MALRD1: variants seen among roughly 807,000 people sequenced by gnomAD.
MALRD1 encodes MAM and LDL-receptor class A domain-containing protein 1.
A neutral mutation model predicts 242.1 loss-of-function variants in MALRD1; 247 were observed. That is an observed-to-expected ratio of 1.02 (90% CI 0.92 to 1.13). MALRD1 has a LOEUF of 1.13. Ranked by LOEUF, MALRD1 falls within the 50% of genes most tolerant of loss-of-function variation. The pLI is 0.00. For synonymous variants in MALRD1, 995 were observed against 866.6 expected (o/e 1.15, Z -2.60); for missense variants, 2,989 against 2,533.1 (o/e 1.18, Z -3.86).
intron 36 of MALRD1, among the ~76,000 whole-genome samples, chr10:19,627,409 GA>G (rs991657328): frequency 6.6e-6 from 1 of 151,412 alleles, no homozygotes; most frequent in East Asian, 1.9e-4. Flanking sequence ...ACAAAATTAA[GA>G]AAAAAACAAC....
chr10:19,120,195 G>A (rs1014426887), intron 5 of MALRD1, among the ~76,000 whole-genome samples: 3 of 152,220 alleles, frequency 2.0e-5, no homozygotes, highest in Admixed American at 6.5e-5. Context: ...ATGTTGAGCA[G>A]ATGAGGGAAA....
chr10:19,347,764 T>G lies in MALRD1; in HGVS notation c.3902-7T>G. On this transcript the variant is annotated splice_region_variant and splice_polypyrimidine_tract_variant and intron_variant, in intron 24 of 39. Coordinates refer to ENST00000454679, the MANE Select transcript of MALRD1 (RefSeq NM_001142308.3). ...TTCTGTAACATATATTTGGAAATAT[T>G]TTCCAGGTACCTCCAGTGGGCGCTG... is the stretch of plus-strand genomic sequence containing the variant. 2 of 1,549,372 alleles carry G rather than the reference T, an allele frequency of 1.3e-6. No homozygotes were observed. Among genetic ancestry groups the G allele is most frequent in the Non-Finnish European group, 1.7e-6 (2 of 1,146,394 alleles).
At chr10:19,228,018 G>T (rs545027112) in intron 18 of MALRD1, among the ~76,000 whole-genome samples, 14 of 152,098 alleles carry the variant, frequency 9.2e-5, no homozygotes, top group Non-Finnish European at 1.8e-4. Context: ...CTTCAAAATG[G>T]TACAGACATT....
chr10:19,469,050 C>A (rs1362780333), intron 29 of MALRD1, among the ~76,000 whole-genome samples: 1 of 151,986 alleles, frequency 6.6e-6, no homozygotes, highest in African/African-American at 2.4e-5. Context: ...CTATTTCTGC[C>A]TGGGCCCCAC....
At chr10:19,627,721 C>T (rs1427589811) in intron 36 of MALRD1, among the ~76,000 whole-genome samples, 1 of 147,804 alleles carries the variant, frequency 6.8e-6, no homozygotes, top group African/African-American at 2.5e-5. Flanking sequence ...CGATATTCCA[C>T]CACTGCACTC....
chr10:19,248,940 T>C (rs547281383), intron 18 of MALRD1, among the ~76,000 whole-genome samples: 5 of 147,102 alleles, frequency 3.4e-5, no homozygotes, highest in African/African-American at 1.2e-4. Context: ...TATTATATAT[T>C]TATAATATAA....
intron 36 of MALRD1, among the ~76,000 whole-genome samples, chr10:19,680,308 G>T (rs571985003): frequency 6.6e-6 from 1 of 152,136 alleles, no homozygotes; most frequent in East Asian, 1.9e-4. Flanking sequence ...CTTGTTTTAT[G>T]AATCTGGGAG....
At position 19,441,015 on chromosome 10, in the gene MALRD1, G is replaced by C. The variant is rs564920647; in HGVS notation, c.4846-9292G>C. ...TCCTCTCCAGCACCTGTTGTTTCCT[G>C]ACTTTTTAATGATCTCCATTCTAAC... On this transcript the variant is annotated intron_variant, in intron 28 of 39. Transcript: ENST00000454679. Among the ~76,000 whole-genome samples the C allele has an allele frequency of 5.1e-4, 78 of 152,082 alleles. 1 individual carries two copies. Among genetic ancestry groups the C allele is most frequent in the African/African-American group, 1.8e-3 (76 of 41,404 alleles).
intron 19 of MALRD1, among the ~76,000 whole-genome samples, chr10:19,262,134 C>A (rs985755585): frequency 5.3e-5 from 8 of 152,084 alleles, no homozygotes; most frequent in African/African-American, 1.9e-4. Flanking sequence ...ATTTTCAAAT[C>A]ATTCTCAATT....
At chr10:19,155,245 T>A in intron 12 of MALRD1, 73 bp downstream of exon 12, 1 of 782,208 alleles carries the variant, frequency 1.3e-6, no homozygotes, top group Non-Finnish European at 1.7e-6. Flanking sequence ...ACTCTGCTAG[T>A]AATTGCCCGC....
intron 26 of MALRD1, among the ~76,000 whole-genome samples, chr10:19,373,573 AG>A (rs1419634638): frequency 1.3e-5 from 2 of 151,978 alleles, no homozygotes; most frequent in Non-Finnish European, 2.9e-5. Flanking sequence ...GAAGGGAGAG[AG>A]GGAGGGATGG....
intron 21 of MALRD1, among the ~76,000 whole-genome samples, chr10:19,314,873 C>T (rs1029214926): frequency 3.3e-5 from 5 of 150,978 alleles, no homozygotes; most frequent in African/African-American, 9.7e-5. Context: ...GTCTCTTGAT[C>T]GTTAGGTATA....
intron 5 of MALRD1, among the ~76,000 whole-genome samples, chr10:19,122,889 A>G (rs754583470): frequency 6.6e-6 from 1 of 151,952 alleles, no homozygotes; most frequent in African/African-American, 2.4e-5. Flanking sequence ...CCACGCCCAG[A>G]TAATTTTTGT....
At chr10:19,210,189 T>G (rs549206303) in intron 18 of MALRD1, among the ~76,000 whole-genome samples, 2 of 152,258 alleles carry the variant, frequency 1.3e-5, no homozygotes, top group Non-Finnish European at 2.9e-5. Flanking sequence ...TTTCACCTGC[T>G]GTTTTCTAAA....
intron 14 of MALRD1, among the ~76,000 whole-genome samples, chr10:19,183,468 T>G (rs1182393565): frequency 6.6e-6 from 1 of 152,178 alleles, no homozygotes; most frequent in Non-Finnish European, 1.5e-5. Flanking sequence ...AGGATTTCTA[T>G]TTATGAACTT....
intron 13 of MALRD1, among the ~76,000 whole-genome samples, chr10:19,169,927 G>C (rs557129280): frequency 1.3e-5 from 2 of 152,228 alleles, no homozygotes; most frequent in South Asian, 2.1e-4. Context: ...CCAAATATTG[G>C]AAAGAAGAAA....
intron 29 of MALRD1, chr10:19,489,015 T>TCG: frequency 2.2e-6 from 1 of 455,990 alleles, no homozygotes; most frequent in South Asian, 1.6e-5. Flanking sequence ...TCTCCCACCA[T>TCG]CCCCCGCCAG....
At position 19,094,732 on chromosome 10, in the gene MALRD1, G is replaced by A. The variant is rs916400193; in HGVS notation, c.597+6547G>A. Among the ~76,000 whole-genome samples the A allele has an allele frequency of 2.0e-5, 3 of 152,162 alleles. No individual in the cohort carries two copies. In the East Asian group the frequency reaches 5.8e-4, roughly 29 times the overall value. ...TGTTTAAATACTTATTCCAAATGCT[G>A]TTGAAGTAGAATAATTGTCATATTC... is the stretch of plus-strand genomic sequence containing the variant. On this transcript the variant is annotated intron_variant, in intron 4 of 39. Coordinates refer to ENST00000454679, the MANE Select transcript of MALRD1 (RefSeq NM_001142308.3).
intron 21 of MALRD1, among the ~76,000 whole-genome samples, chr10:19,286,175 G>T (rs1234361237): frequency 6.9e-6 from 1 of 145,336 alleles, no homozygotes; most frequent in Non-Finnish European, 1.5e-5. Flanking sequence ...GGGTTTTCTA[G>T]ATAAACAATC....
Sources: allele counts gnomAD v4.1 joint callset (sites outside exome capture counted in the v4.1 genomes callset), GRCh38; gene constraint gnomAD v4.1.1; transcripts MANE v1.5; gene names NCBI Gene and HGNC (gene_info 2026-07-23, HGNC 2026-07-21).